Variants in PRKCZ observed in about 807,000 individuals in gnomAD.
PRKCZ encodes protein kinase C zeta.
Under a neutral mutation model 79.5 loss-of-function variants are expected in PRKCZ, and 33 were observed. The ratio of observed to expected loss-of-function variants is 0.41; its 90% confidence interval spans 0.31 to 0.55. The LOEUF is 0.55. PRKCZ is among the 20% of genes least tolerant of loss of function. The pLI is 0.19. For missense variants in PRKCZ, 578 were observed against 813.5 expected, an observed-to-expected ratio of 0.71 and a Z score of 3.52; for synonymous variants, 342 against 320.9, an observed-to-expected ratio of 1.07 and a Z score of -0.70.
rs1402861501 is a variant in PRKCZ, at chr1:2,184,468, T to C, written c.1576-115T>C. Reference sequence around the variant, plus strand: ...ACTTGGCAGTCAAATACTAGGCAGATTGAAATGCTGACTTTCTCACTGTTT... The same window carrying C: ...ACTTGGCAGTCAAATACTAGGCAGACTGAAATGCTGACTTTCTCACTGTTT... On this transcript the variant is annotated intron_variant, in intron 16 of 17. Transcript: ENST00000378567. 5.5e-6 allele frequency: 4 copies of C among 727,018 alleles called. No individual in the cohort carries two copies. In the East Asian group the frequency reaches 8.3e-5, roughly 15 times the overall value. 45.0% of individuals were successfully genotyped at this position (727,018 alleles called of 1,614,324 possible).
In PRKCZ at chr1:2,150,696, A is replaced by G. The variant is rs70937054; in HGVS notation, c.688-94A>G. The G allele has an allele frequency of 3.9e-4, 488 of 1,267,178 alleles. 6 individuals carry two copies. The East Asian group carries it at 9.2e-3, about 24-fold the overall frequency. 78.5% of individuals were successfully genotyped at this position (1,267,178 alleles called of 1,614,324 possible). ...CATGAGGCCCTGGGCTCTGAGGAGC[A>G]GGTCTCTGTTGGGACCGCATGAGTG... On this transcript the variant is annotated intron_variant, in intron 8 of 17. Transcript: ENST00000378567.
chr1:2,134,538 G>T (rs918205599), intron 4 of PRKCZ, among the ~76,000 whole-genome samples: 1 of 152,190 alleles, frequency 6.6e-6, no homozygotes, highest in African/African-American at 2.4e-5. Flanking sequence ...TACAGGCTTG[G>T]TGCCGCCTTT....
At position 2,173,072 on chromosome 1, in the gene PRKCZ, A is replaced by G. The variant is rs2100352199; in HGVS notation, c.1285+684A>G. ...GGGCATCCATGTGTGTTGTGTGCAC[A>G]TGCATACTGTGTTTGTACACACTCC... On this transcript the variant is annotated intron_variant, in intron 13 of 17. Transcript: ENST00000378567. The surrounding 1 kb of genome is among the most constrained non-coding windows in gnomAD (Gnocchi z 5.7). Among the ~76,000 whole-genome samples the G allele has an allele frequency of 6.6e-6, 1 of 150,784 alleles. No individual in the cohort carries two copies. Among genetic ancestry groups the G allele is most frequent in the South Asian group, 2.1e-4 (1 of 4,714 alleles).
At chr1:2,155,656 A>G (rs924704897) in intron 9 of PRKCZ, among the ~76,000 whole-genome samples, 5 of 52,026 alleles carry the variant, frequency 9.6e-5, no homozygotes, top group South Asian at 7.1e-4. Flanking sequence ...GACAGCAACA[A>G]TGATGGTGGT....
intron 10 of PRKCZ, among the ~76,000 whole-genome samples, chr1:2,158,370 C>T (rs1284347646): frequency 1.3e-5 from 2 of 152,212 alleles, no homozygotes; most frequent in South Asian, 2.1e-4. Flanking sequence ...TGCGTGTGGA[C>T]GAGGCTTGTG....
In PRKCZ at chr1:2,163,670, C is replaced by G. The variant is rs574046159; in HGVS notation, c.975-5848C>G. Among the ~76,000 whole-genome samples the G allele has an allele frequency of 2.4e-3, 359 of 151,840 alleles. 1 individual carries two copies. Among genetic ancestry groups the G allele is most frequent in the African/African-American group, 8.1e-3 (336 of 41,374 alleles). On this transcript the variant is annotated intron_variant, in intron 10 of 17. Transcript: ENST00000378567. ...CTCTGGGAGGCCGAGGCGGGTAGAT[C>G]ACGAGGTCAGGAGATCAAGACCATC...
At chr1:2,079,934 G>A (rs979257153) in intron 4 of PRKCZ, among the ~76,000 whole-genome samples, 6 of 152,164 alleles carry the variant, frequency 3.9e-5, no homozygotes, top group Non-Finnish European at 8.8e-5. Context: ...TGCTGCCCCC[G>A]CAAGCCCTCT....
intron 5 of PRKCZ, chr1:2,143,192 C>G (rs1677759949): frequency 6.6e-6 from 1 of 152,188 alleles, no homozygotes; most frequent in Admixed American, 6.5e-5. Context: ...CCACACCTGG[C>G]TAATTTTTTG....
intron 4 of PRKCZ, among the ~76,000 whole-genome samples, chr1:2,084,717 G>C (rs1012031117): frequency 6.6e-6 from 1 of 152,090 alleles, no homozygotes; most frequent in African/African-American, 2.4e-5. Flanking sequence ...GGTCAGATGT[G>C]GGGTCAGCTG....
At chr1:2,103,120 C>T (rs892404499) in intron 4 of PRKCZ, among the ~76,000 whole-genome samples, 6 of 152,274 alleles carry the variant, frequency 3.9e-5, no homozygotes, top group South Asian at 2.1e-4. Flanking sequence ...CCACTTCGCC[C>T]GCCCAAAGTA....
intron 10 of PRKCZ, among the ~76,000 whole-genome samples, chr1:2,167,664 C>T (rs561941966): frequency 1.3e-5 from 2 of 152,204 alleles, no homozygotes; most frequent in South Asian, 2.1e-4. Flanking sequence ...AGTGCAGTGG[C>T]GCAATCTCAG....
At chr1:2,079,510 C>T (rs1001744307) in intron 4 of PRKCZ, among the ~76,000 whole-genome samples, 2 of 152,242 alleles carry the variant, frequency 1.3e-5, no homozygotes, top group African/African-American at 4.8e-5. Flanking sequence ...GCTCTGCTGC[C>T]CACCAGCCAC....
chr1:2,102,601 G>A (rs1208779117), intron 4 of PRKCZ, among the ~76,000 whole-genome samples: 12 of 152,148 alleles, frequency 7.9e-5, no homozygotes, highest in East Asian at 1.9e-4. Context: ...CAAAGTGCTA[G>A]GATTACAGGT....
At chr1:2,059,454 A>G (rs996194778) in intron 3 of PRKCZ, 87 bp from the exon 4 acceptor site, 2 of 1,522,334 alleles carry the variant, frequency 1.3e-6, no homozygotes, top group South Asian at 1.1e-5. Context: ...CCACGTGCTC[A>G]GCCTGACTGA....
chr1:2,074,379 G>C, intron 4 of PRKCZ: 1 of 1,467,362 alleles, frequency 6.8e-7, no homozygotes, highest in Non-Finnish European at 9.2e-7. Context: ...CCTGGCCCCA[G>C]GGAGTTGCTG....
In PRKCZ at chr1:2,172,999, G is replaced by C. The variant is rs1316718236; in HGVS notation, c.1285+611G>C. Among the ~76,000 whole-genome samples the C allele has an allele frequency of 6.6e-6, 1 of 152,222 alleles. No homozygotes were observed. The highest frequency in any genetic ancestry group is 1.5e-5 in the Non-Finnish European group (1 of 68,040). On this transcript the variant is annotated intron_variant, in intron 13 of 17. Transcript: ENST00000378567. The surrounding 1 kb of genome is among the most constrained non-coding windows in gnomAD (Gnocchi z 7.8). ...GTGAAACGGGGACGTGGGCACGCGT[G>C]TGCAGCCCTGTGTGCGTGTGTGCCG...
rs72921255 is a variant in PRKCZ at position 2,086,669 on chromosome 1, G to A, written c.334+27078G>A. ...AACCTGCCTGCTGCTCCTGGGGGCC[G>A]TGAGGCTGTGCCCGGTGGGCGGTGG... On this transcript the variant is annotated intron_variant, in intron 4 of 17. Coordinates refer to ENST00000378567, the MANE Select transcript of PRKCZ (RefSeq NM_002744.6). Among the ~76,000 whole-genome samples, 1,402 of 152,354 alleles carry A rather than the reference G, an allele frequency of 9.2e-3. 28 individuals carry two copies. Among genetic ancestry groups the A allele is most frequent in the African/African-American group, 0.03 (1,261 of 41,574 alleles).
At chr1:2,117,224 A>G (rs1404211468) in intron 4 of PRKCZ, among the ~76,000 whole-genome samples, 1 of 152,214 alleles carries the variant, frequency 6.6e-6, no homozygotes, top group Non-Finnish European at 1.5e-5. Context: ...TGCTGGGATT[A>G]CAGATGCAAG....
rs560054701 is a variant in PRKCZ, at chr1:2,178,427, C to T, written c.1575+3114C>T. On this transcript the variant is annotated intron_variant, in intron 16 of 17. Coordinates refer to ENST00000378567, the MANE Select transcript of PRKCZ (RefSeq NM_002744.6). This position sits in a 1 kb window ranked among gnomAD's most constrained non-coding sequence, Gnocchi z 4.3. ...CTGCGTGGAGACTGCACCTCTGCATCCGTCCTCAGTGGACATAGGGTGGCC... is the reference window on the plus strand; with the variant it reads ...CTGCGTGGAGACTGCACCTCTGCATTCGTCCTCAGTGGACATAGGGTGGCC... 6.6e-6 allele frequency among the ~76,000 whole-genome samples: 1 copy of T among 152,376 alleles called. No individual in the cohort carries two copies. Among genetic ancestry groups the T allele is most frequent in the East Asian group, 1.9e-4 (1 of 5,190 alleles).
Sources: allele counts gnomAD v4.1 joint callset (sites outside exome capture counted in the v4.1 genomes callset), GRCh38; gene constraint gnomAD v4.1.1; non-coding constraint Gnocchi (gnomAD v3.1); transcripts MANE v1.5; gene names NCBI Gene and HGNC (gene_info 2026-07-23, HGNC 2026-07-21).